The following GRHL2 variants were observed in gnomAD, a reference collection of about 807,000 sequenced individuals.
GRHL2 encodes grainyhead like transcription factor 2.
Under a neutral mutation model 83.8 loss-of-function variants are expected in GRHL2, and 21 were observed. The observed-to-expected ratio is 0.25, with a 90% CI of 0.18 to 0.36. The LOEUF (loss-of-function observed/expected upper bound fraction) is 0.36. Among genes scored for constraint, GRHL2 ranks in the 10% least tolerant of loss-of-function variants. The pLI is 1.00. For missense variants in GRHL2, 623 were observed against 781.8 expected (o/e 0.80, Z 2.42); for synonymous variants, 280 against 278.9 (o/e 1.00, Z -0.04).
intron 14 of GRHL2, among the ~76,000 whole-genome samples, chr8:101,650,111 C>T (rs1288875115): frequency 6.6e-6 from 1 of 152,160 alleles, no homozygotes; most frequent in African/African-American, 2.4e-5. Flanking sequence ...GACCACTGCC[C>T]CATACAACTA....
chr8:101,540,539 G>A (rs1811130155), intron 1 of GRHL2, among the ~76,000 whole-genome samples: 2 of 152,138 alleles, frequency 1.3e-5, no homozygotes, highest in South Asian at 4.1e-4. Flanking sequence ...TGACTCAGAG[G>A]CCTAGCGACC....
chr8:101,675,468 G>A, the GRHL2 span, among the ~76,000 whole-genome samples: 16,714 of 150,604 alleles, frequency 0.11, 1,018 homozygotes, highest in South Asian at 0.19. Context: ...AACTGCTTCA[G>A]AGAGAATAAA....
At chr8:101,628,509 C>T (rs1813123898) in intron 9 of GRHL2, among the ~76,000 whole-genome samples, 1 of 152,076 alleles carries the variant, frequency 6.6e-6, no homozygotes, top group Non-Finnish European at 1.5e-5. Context: ...TTCATGCCTG[C>T]TAACACAACA....
chr8:101,577,988 C>T lies in GRHL2; in HGVS notation c.1003+469C>T, dbSNP rs1811967253. Among the ~76,000 whole-genome samples, 3 of 152,286 alleles carry T rather than the reference C, an allele frequency of 2.0e-5. No homozygotes were observed. In the South Asian group the frequency reaches 6.2e-4, roughly 32 times the overall value. On this transcript the variant is annotated intron_variant, in intron 7 of 15. Transcript: ENST00000646743. The stretch of plus-strand genomic sequence containing the variant: ...CATTTCAACACATGCCTAGTGTAAG[C>T]AATGCTAGGTGGTCACGCAAGTGAA...
rs117943416 is a variant in GRHL2, at chr8:101,659,220, G to T, written c.1699-5234G>T. Among the ~76,000 whole-genome samples, 579 of 152,262 alleles carry T rather than the reference G, an allele frequency of 3.8e-3. 8 individuals are homozygous for T. The East Asian group carries it at 0.057, about 15-fold the overall frequency. The stretch of plus-strand genomic sequence containing the variant: ...CATCAGCATTTTGGAACATCTGCAG[G>T]ATTCTAATATGACATGAAATATCTG... On this transcript the variant is annotated intron_variant, in intron 14 of 15. Coordinates refer to ENST00000646743, the MANE Select transcript of GRHL2 (RefSeq NM_024915.4).
the GRHL2 span, among the ~76,000 whole-genome samples, chr8:101,676,146 A>G: frequency 6.6e-6 from 1 of 151,756 alleles, no homozygotes; most frequent in Non-Finnish European, 1.5e-5. Flanking sequence ...GGACATAGGC[A>G]TGGGCAAGGA....
intron 7 of GRHL2, among the ~76,000 whole-genome samples, chr8:101,590,672 C>G (rs1292220275): frequency 6.6e-6 from 1 of 152,154 alleles, no homozygotes; most frequent in East Asian, 1.9e-4. Flanking sequence ...GTGTCTCCAC[C>G]ACCATGTTCC....
At chr8:101,662,415 G>C (rs1307253932) in intron 14 of GRHL2, among the ~76,000 whole-genome samples, 1 of 152,212 alleles carries the variant, frequency 6.6e-6, no homozygotes, top group Non-Finnish European at 1.5e-5. Flanking sequence ...AGTTCTTCCC[G>C]TGGGGTGAGA....
At chr8:101,674,627 G>A (rs1365619326), downstream of GRHL2, among the ~76,000 whole-genome samples, 2 of 152,158 alleles carry the variant, frequency 1.3e-5, no homozygotes, top group Non-Finnish European at 2.9e-5. Flanking sequence ...TCTACCAGAG[G>A]TAAAAGGAGG....
intron 4 of GRHL2, among the ~76,000 whole-genome samples, chr8:101,567,506 C>G (rs2130207991): frequency 6.6e-6 from 1 of 152,246 alleles, no homozygotes; most frequent in South Asian, 2.1e-4. Flanking sequence ...GTGATGTTTT[C>G]TAGGTACACT....
At chr8:101,493,534 A>G (rs1810019250) in intron 1 of GRHL2, among the ~76,000 whole-genome samples, 1 of 151,914 alleles carries the variant, frequency 6.6e-6, no homozygotes, top group Non-Finnish European at 1.5e-5. Flanking sequence ...AACTCATGTG[A>G]GGCCTCGAGT....
intron 8 of GRHL2, among the ~76,000 whole-genome samples, chr8:101,611,029 G>A (rs1057097160): frequency 7.9e-5 from 12 of 151,032 alleles, no homozygotes; most frequent in Non-Finnish European, 1.5e-4. Flanking sequence ...CTGGACAGCA[G>A]TGAGTGTCCG....
At chr8:101,589,585 A>C (rs1164529230) in intron 7 of GRHL2, among the ~76,000 whole-genome samples, 1 of 152,218 alleles carries the variant, frequency 6.6e-6, no homozygotes, top group African/African-American at 2.4e-5. Context: ...GGTCAGTACA[A>C]CTTGAAAGCT....
chr8:101,543,106 A>T, intron 1 of GRHL2, 135 bp from the exon 2 acceptor site: 1 of 752,462 alleles, frequency 1.3e-6, no homozygotes, highest in Non-Finnish European at 2.3e-6. Context: ...CTTTAACTTT[A>T]AACTTCTTCC....
intron 1 of GRHL2, among the ~76,000 whole-genome samples, chr8:101,502,270 A>G (rs1010215054): frequency 6.6e-5 from 10 of 152,154 alleles, no homozygotes; most frequent in South Asian, 2.1e-4. Context: ...TCTGTGTCTC[A>G]TTTTCTCCCT....
At chr8:101,516,129 A>G (rs1333765125) in intron 1 of GRHL2, among the ~76,000 whole-genome samples, 1 of 152,160 alleles carries the variant, frequency 6.6e-6, no homozygotes, top group East Asian at 1.9e-4. Context: ...CCTGCTTCTC[A>G]GGAGGTCCGG....
At chr8:101,547,388 C>G (rs1811288426) in intron 2 of GRHL2, among the ~76,000 whole-genome samples, 1 of 152,154 alleles carries the variant, frequency 6.6e-6, no homozygotes. Context: ...TTTCCTCACT[C>G]CTGAAGTTGG....
chr8:101,623,658 C>T (rs111215824), intron 9 of GRHL2, among the ~76,000 whole-genome samples: 10 of 104,248 alleles, frequency 9.6e-5, no homozygotes, highest in African/African-American at 3.4e-4. Flanking sequence ...TAAGACAGTT[C>T]ACAGTACACA....
At chr8:101,563,305 G>T (rs553758248) in intron 4 of GRHL2, among the ~76,000 whole-genome samples, 1 of 151,966 alleles carries the variant, frequency 6.6e-6, no homozygotes, top group Admixed American at 6.6e-5. Flanking sequence ...TTAAGACAGT[G>T]ATTCACCAAA....
Sources: gnomAD v4.1 joint callset for allele counts (sites outside exome capture counted in the v4.1 genomes callset) on GRCh38, gnomAD v4.1.1 for gene constraint, MANE v1.5 for transcripts, NCBI Gene and HGNC (gene_info 2026-07-23, HGNC 2026-07-21) for gene names.